Variants in ALG8 observed in about 807,000 individuals in gnomAD.
ALG8 encodes the protein ALG8 alpha-1,3-glucosyltransferase.
A neutral mutation model predicts 70.2 loss-of-function variants in ALG8; 48 were observed. The ratio of observed to expected loss-of-function variants is 0.68; its 90% CI spans 0.54 to 0.87. The LOEUF (loss-of-function observed/expected upper bound fraction) is 0.87, where lower values mean the gene tolerates loss of function less well. ALG8 is among the 40% of genes least tolerant of loss of function. The pLI, the probability that ALG8 is intolerant of heterozygous loss-of-function variation, is 0.00. For synonymous variants in ALG8, 234 were observed against 229.0 expected (o/e 1.02, Z -0.20); for missense variants, 572 against 608.7 (o/e 0.94, Z 0.64).
At chr11:78,104,121 T>C in intron 11 of ALG8, 69 bp from the exon 12 acceptor site, 1 of 1,061,124 alleles carries the variant, frequency 9.4e-7, no homozygotes, top group Middle Eastern at 2.0e-4. Context: ...CTGAAAGTAA[T>C]ATAAGCACAC....
chr11:78,127,396 T>C lies in ALG8; in HGVS notation c.136A>G (p.Ile46Val), dbSNP rs778145721. The change falls in exon 2 of 13, where the codon ATC (isoleucine) becomes GTC (valine). Residue 46 changes from isoleucine to valine, a missense_variant. Coordinates refer to ENST00000299626, the MANE Select transcript of ALG8 (RefSeq NM_024079.5). ...DFEVHRNWLA[I>V]THSLPISQWY... ...TGTGATATTGGCAAACTGTGAGTGATAGCAAGCCAGTTTCGGTGTACTTCA... is the reference window on the plus strand; with the variant it reads ...TGTGATATTGGCAAACTGTGAGTGACAGCAAGCCAGTTTCGGTGTACTTCA... 5.6e-6 allele frequency: 9 copies of C among 1,613,886 alleles called. No homozygotes were observed. The highest frequency in any genetic ancestry group is 1.7e-5 in the Admixed American group (1 of 59,992).
At chr11:78,118,941 T>G (rs547440642) in intron 5 of ALG8, among the ~76,000 whole-genome samples, 134 of 152,240 alleles carry the variant, frequency 8.8e-4, no homozygotes, top group Non-Finnish European at 1.5e-3. Flanking sequence ...AAAACTCAAT[T>G]TAATTCAGGC....
intron 3 of ALG8, among the ~76,000 whole-genome samples, chr11:78,123,629 G>A (rs1008722574): frequency 6.6e-6 from 1 of 152,100 alleles, no homozygotes; most frequent in Non-Finnish European, 1.5e-5. Flanking sequence ...ATACGTGTGC[G>A]CTACTGTGCA....
chr11:78,136,758 G>T (rs1230974151), intron 1 of ALG8, among the ~76,000 whole-genome samples: 1 of 152,084 alleles, frequency 6.6e-6, no homozygotes, highest in African/African-American at 2.4e-5. Context: ...ATGTAAGTCT[G>T]TTTCTTCTAC....
At chr11:78,124,412 G>C (rs759029041) in intron 2 of ALG8, among the ~76,000 whole-genome samples, 198 bp from the exon 3 acceptor site, 2 of 152,156 alleles carry the variant, frequency 1.3e-5, no homozygotes, top group Non-Finnish European at 2.9e-5. Context: ...AGACCAGTCT[G>C]GGCAACATGG....
chr11:78,135,585 C>G (rs554880178), intron 1 of ALG8, among the ~76,000 whole-genome samples: 1 of 152,054 alleles, frequency 6.6e-6, no homozygotes, highest in Admixed American at 6.6e-5. Context: ...ATGGTGCTCA[C>G]GCCTGTAATC....
At chr11:78,107,681 A>G in intron 9 of ALG8, 1 of 174,206 alleles carries the variant, frequency 5.7e-6, no homozygotes, top group Non-Finnish European at 1.2e-5. Context: ...TCTACTAAAA[A>G]TACAAAAAAA....
intron 12 of ALG8, among the ~76,000 whole-genome samples, chr11:78,102,692 C>T (rs914976247): frequency 6.6e-6 from 1 of 152,182 alleles, no homozygotes; most frequent in Admixed American, 6.5e-5. Flanking sequence ...GTGGCTCACA[C>T]CTGTAATGCC....
intron 9 of ALG8, among the ~76,000 whole-genome samples, chr11:78,109,227 G>A (rs1860176678): frequency 6.6e-6 from 1 of 152,112 alleles, no homozygotes; most frequent in Non-Finnish European, 1.5e-5. Context: ...AACAGCCACT[G>A]GCAAGAATCT....
intron 11 of ALG8, 151 bp downstream of exon 11, chr11:78,104,205 G>T: frequency 3.2e-6 from 3 of 942,118 alleles, no homozygotes; most frequent in Non-Finnish European, 3.1e-6. Context: ...GAGATGCTGA[G>T]AATTACAGGA....
chr11:78,121,189 T>A lies in ALG8; in HGVS notation c.369-15A>T. On this transcript the variant is annotated splice_polypyrimidine_tract_variant and intron_variant, in intron 3 of 12. Coordinates refer to ENST00000299626, the MANE Select transcript of ALG8 (RefSeq NM_024079.5). ...ATTTACAGCACCTACATTGAAACAT[T>A]AGGAAAGAAACAGAAACAACTTTGA... 1 of 1,578,156 alleles carries A rather than the reference T, an allele frequency of 6.3e-7. No individual in the cohort carries two copies. Among genetic ancestry groups the A allele is most frequent in the Non-Finnish European group, 8.7e-7 (1 of 1,148,070 alleles).
intron 1 of ALG8, chr11:78,138,949 C>T (rs1390549938): frequency 2.7e-6 from 1 of 363,850 alleles, no homozygotes; most frequent in African/African-American, 2.1e-5. Flanking sequence ...CTTACTCTTT[C>T]CTATGCCTGA....
At chr11:78,112,894 A>T in intron 7 of ALG8, 124 bp from the exon 8 acceptor site, 3 of 1,177,118 alleles carry the variant, frequency 2.5e-6, no homozygotes, top group Non-Finnish European at 3.6e-6. Flanking sequence ...TCTAGTAAGT[A>T]AGTGGTTATA....
intron 4 of ALG8, among the ~76,000 whole-genome samples, chr11:78,119,925 A>AC (rs1375180542): frequency 6.6e-6 from 1 of 151,332 alleles, no homozygotes; most frequent in Non-Finnish European, 1.5e-5. Context: ...AACATGGCAA[A>AC]CCCCCGTCTC....
chr11:78,129,576 A>G (rs1050815074), intron 1 of ALG8, among the ~76,000 whole-genome samples: 1 of 152,222 alleles, frequency 6.6e-6, no homozygotes, highest in African/African-American at 2.4e-5. Flanking sequence ...TCAGGGACTC[A>G]CAGGGAGACC....
intron 2 of ALG8, 127 bp from the exon 3 acceptor site, chr11:78,124,341 A>G: frequency 1.1e-6 from 1 of 911,066 alleles, no homozygotes; most frequent in African/African-American, 1.6e-5. Context: ...GGTAGCTCAC[A>G]CCTGTAACCC....
chr11:78,138,351 C>CGAA (rs1861636050), intron 1 of ALG8, among the ~76,000 whole-genome samples: 1 of 134,694 alleles, frequency 7.4e-6, no homozygotes, highest in African/African-American at 2.6e-5. Flanking sequence ...GAGACTGTCT[C>CGAA]AAAAAAAAAA....
At chr11:78,123,029 T>A (rs116242889) in intron 3 of ALG8, among the ~76,000 whole-genome samples, 56,832 of 151,384 alleles carry the variant, frequency 0.38, 11,672 homozygotes, top group Non-Finnish European at 0.46. Flanking sequence ...AAGAATGAGG[T>A]CGGTGCAGCG....
intron 8 of ALG8, among the ~76,000 whole-genome samples, chr11:78,111,790 G>C (rs1356658669): frequency 6.6e-6 from 1 of 152,170 alleles, no homozygotes; most frequent in African/African-American, 2.4e-5. Flanking sequence ...GTGTTATCCA[G>C]AGTGAGTTAT....
Sources: gnomAD v4.1 joint callset for allele counts (sites outside exome capture counted in the v4.1 genomes callset) on GRCh38, gnomAD v4.1.1 for gene constraint, MANE v1.5 for transcripts, NCBI Gene and HGNC (gene_info 2026-07-23, HGNC 2026-07-21) for gene names.